SEC24A: variants seen among roughly 807,000 people sequenced by gnomAD.
The protein encoded by SEC24A is protein transport protein Sec24A.
In SEC24A, 93 loss-of-function variants were observed where a neutral mutation model predicts 129.4. That is an observed-to-expected ratio of 0.72 (90% CI 0.61 to 0.85). SEC24A has a LOEUF of 0.85. SEC24A is among the 40% of genes least tolerant of loss of function. The probability of loss-of-function intolerance (pLI) is 0.00; values close to 1 mark genes in which losing one functional copy is unlikely to be tolerated. For synonymous variants in SEC24A, 460 were observed against 467.3 expected (o/e 0.98, Z 0.20); for missense variants, 1,264 against 1,307.4 (o/e 0.97, Z 0.51).
rs565980434 is a variant in SEC24A, at chr5:134,684,636, C to T, written c.1491+2154C>T. Among the ~76,000 whole-genome samples, 6 of 151,976 alleles carry T rather than the reference C, an allele frequency of 3.9e-5. No homozygotes were observed. In the South Asian group the frequency reaches 1.0e-3, roughly 26 times the overall value. On this transcript the variant is annotated intron_variant, in intron 9 of 22. Transcript: ENST00000398844. ...ACTGAGGCAGGAGAATTGCTTGAAC[C>T]AGGGAGGCAGAGGTTGCAGTGAGCC...
chr5:134,715,017 G>A lies in SEC24A; in HGVS notation c.2728-7G>A. On this transcript the variant is annotated splice_polypyrimidine_tract_variant and splice_region_variant and intron_variant, in intron 18 of 22. Transcript: ENST00000398844. Reference sequence around the variant, plus strand: ...CTTTTGTGGGGAATGGGGGTTTTCTGTTACAGAAATCATTCCAGACTGGGA... The same window carrying A: ...CTTTTGTGGGGAATGGGGGTTTTCTATTACAGAAATCATTCCAGACTGGGA... 1 of 1,610,138 alleles carries A rather than the reference G, an allele frequency of 6.2e-7. No homozygotes were observed. The highest frequency in any genetic ancestry group is 8.5e-7 in the Non-Finnish European group (1 of 1,178,354).
intron 18 of SEC24A, among the ~76,000 whole-genome samples, chr5:134,710,265 G>A (rs940739732): frequency 2.5e-4 from 38 of 150,652 alleles, no homozygotes; most frequent in African/African-American, 8.1e-4. Context: ...AGGCTGGAGC[G>A]CAGTGGCACG....
intron 7 of SEC24A, among the ~76,000 whole-genome samples, chr5:134,679,004 G>GT (rs1751168742): frequency 2.6e-5 from 4 of 151,958 alleles, no homozygotes; most frequent in Admixed American, 1.3e-4. Flanking sequence ...AGACATAGGT[G>GT]TTAGCCACTG....
At chr5:134,675,303 T>C in intron 6 of SEC24A, 86 bp downstream of exon 6, 7 of 952,144 alleles carry the variant, frequency 7.4e-6, no homozygotes, top group Non-Finnish European at 1.1e-5. Context: ...GAATAAGCTG[T>C]ACAAATTATT....
In SEC24A at chr5:134,704,018, G is replaced by A. The variant is rs527904402; in HGVS notation, c.2440+86G>A. 22 of 783,992 alleles carry A rather than the reference G, an allele frequency of 2.8e-5. No individual in the cohort carries two copies. The African/African-American group carries it at 3.5e-4, about 12-fold the overall frequency. The allele number at this position is 783,992 out of a possible 1,614,324, so 48.6% of individuals were successfully genotyped here. ...CAAAATGGGCTATAAAATACATGTAGCATATCTTATGTGTGCTAACTTAAA... is the reference window on the plus strand; with the variant it reads ...CAAAATGGGCTATAAAATACATGTAACATATCTTATGTGTGCTAACTTAAA... On this transcript the variant is annotated intron_variant, in intron 16 of 22. Coordinates refer to ENST00000398844, the MANE Select transcript of SEC24A (RefSeq NM_021982.3).
chr5:134,725,023 G>C lies in SEC24A; in HGVS notation c.3211G>C (p.Glu1071Gln). 1.9e-6 allele frequency: 3 copies of C among 1,610,370 alleles called. No homozygotes were observed. The highest frequency in any genetic ancestry group is 2.5e-6 in the Non-Finnish European group (3 of 1,177,366). Residue 1071 changes from glutamate (E) to glutamine (Q), a missense_variant, in exon 23 of 23, where the codon GAA becomes CAA. Glu to Gln is a conservative substitution (Grantham distance 29). Transcript: ENST00000398844. Reference protein sequence around the residue: ...MKANFLQNMIEDRTESALSYY... With the variant: ...MKANFLQNMIQDRTESALSYY... ...AGCAAACTTCCTTCAAAACATGATA[G>C]AAGACAGAACAGAATCTGCATTATC...
chr5:134,711,628 T>C (rs372716355), intron 18 of SEC24A, among the ~76,000 whole-genome samples: 1 of 149,012 alleles, frequency 6.7e-6, no homozygotes, highest in East Asian at 2.0e-4. Context: ...GCAGTGGCGA[T>C]CTCGGCTCAC....
Position 134,727,519 on chromosome 5 carries a change from A to G in SEC24A, c.*2425A>G, listed in dbSNP as rs1299744009. ...ATTGAGTCTAATAGACTGTTTTGCA[A>G]TAATTAGAATAAAGATTTATTTCTT... On this transcript the variant is annotated 3_prime_UTR_variant, in exon 23 of 23. Transcript: ENST00000398844. 1 of 152,608 alleles carries G rather than the reference A, an allele frequency of 6.6e-6. No homozygotes were observed. Among genetic ancestry groups the G allele is most frequent in the Admixed American group, 6.5e-5 (1 of 15,280 alleles). The allele number at this position is 152,608 out of a possible 1,614,324, so 9.5% of individuals were successfully genotyped here. A position where few individuals can be genotyped will look rare whatever the true frequency, so the allele number is the denominator to read the frequency against.
intron 15 of SEC24A, among the ~76,000 whole-genome samples, chr5:134,700,234 T>C (rs1410870655): frequency 6.6e-6 from 1 of 152,054 alleles, no homozygotes; most frequent in African/African-American, 2.4e-5. Flanking sequence ...TTTTTTCTTT[T>C]TTTGGAGACA....
intron 18 of SEC24A, among the ~76,000 whole-genome samples, chr5:134,714,444 C>T (rs973985571): frequency 2.0e-5 from 3 of 152,258 alleles, no homozygotes; most frequent in Non-Finnish European, 2.9e-5. Flanking sequence ...GGAGCGCCAA[C>T]CATATTGTGA....
At chr5:134,659,799 G>A (rs892868043) in intron 1 of SEC24A, among the ~76,000 whole-genome samples, 3 of 151,916 alleles carry the variant, frequency 2.0e-5, no homozygotes, top group Non-Finnish European at 2.9e-5. Flanking sequence ...CTTACAGGCA[G>A]GCGCCACCAC....
Position 134,675,140 on chromosome 5 carries a change from C to T in SEC24A, c.1074C>T (p.Asn358=), listed in dbSNP as rs746797391. ...LRVVNLLQER[N]MLPSTPLKPP... is the part of the protein sequence containing the mutation. ...TTGTCAATCTTCTTCAAGAAAGAAACATGCTTCCGTCAACACCTTTGAAGC... is the reference window on the plus strand; with the variant it reads ...TTGTCAATCTTCTTCAAGAAAGAAATATGCTTCCGTCAACACCTTTGAAGC... Residue 358 remains asparagine, a synonymous_variant, in exon 6 of 23, where the codon AAC becomes AAT. Coordinates refer to ENST00000398844, the MANE Select transcript of SEC24A (RefSeq NM_021982.3). 2 of 1,613,766 alleles carry T rather than the reference C, an allele frequency of 1.2e-6. No individual in the cohort carries two copies. Among genetic ancestry groups the T allele is most frequent in the East Asian group, 4.5e-5 (2 of 44,860 alleles).
At chr5:134,693,280 G>C in intron 12 of SEC24A, 1 of 1,412,444 alleles carries the variant, frequency 7.1e-7, no homozygotes, top group Non-Finnish European at 9.2e-7. Flanking sequence ...AACCTGTAAA[G>C]GTAGTTGTTT....
intron 2 of SEC24A, among the ~76,000 whole-genome samples, chr5:134,665,023 C>T (rs546587114): frequency 5.6e-4 from 85 of 151,288 alleles, no homozygotes; most frequent in African/African-American, 2.0e-3. Context: ...TGGTCCCAAA[C>T]TCCTGACCTT....
chr5:134,674,991 C>T (rs1314739939), intron 5 of SEC24A, 54 bp from the exon 6 acceptor site: 1 of 1,391,638 alleles, frequency 7.2e-7, no homozygotes, highest in Non-Finnish European at 9.7e-7. Context: ...AGAAATTAAC[C>T]ACTTCCCTAC....
intron 18 of SEC24A, among the ~76,000 whole-genome samples, 178 bp from the exon 19 acceptor site, chr5:134,714,846 G>A (rs1373422833): frequency 3.3e-5 from 5 of 152,104 alleles, no homozygotes; most frequent in African/African-American, 1.2e-4. Flanking sequence ...TTTTAGGTGG[G>A]GCTATAGCTA....
chr5:134,703,131 T>G (rs1180602319), intron 15 of SEC24A, among the ~76,000 whole-genome samples: 1 of 152,188 alleles, frequency 6.6e-6, no homozygotes, highest in Non-Finnish European at 1.5e-5. Context: ...ACCAGTCTAC[T>G]TGAAATTTTT....
Position 134,671,895 on chromosome 5 carries a change from C to T in SEC24A, c.817+9C>T, listed in dbSNP as rs1750877434. ...AGGAGGTGGCTTATTGGGTGAGATG[C>T]TATGAAAGTTTTTTTTTTAATCTCT... On this transcript the variant is annotated intron_variant, in intron 4 of 22. Coordinates refer to ENST00000398844, the MANE Select transcript of SEC24A (RefSeq NM_021982.3). 6.4e-7 allele frequency: 1 copy of T among 1,571,222 alleles called. No individual in the cohort carries two copies. Among genetic ancestry groups the T allele is most frequent in the East Asian group, 2.2e-5 (1 of 44,486 alleles).
intron 19 of SEC24A, among the ~76,000 whole-genome samples, chr5:134,717,269 C>T (rs569290152): frequency 2.6e-5 from 4 of 151,800 alleles, no homozygotes; most frequent in African/African-American, 7.3e-5. Context: ...TTTGGGAGGC[C>T]GAGGCAGGTG....
Sources: gnomAD v4.1 joint callset for allele counts (sites outside exome capture counted in the v4.1 genomes callset) on GRCh38, gnomAD v4.1.1 for gene constraint, MANE v1.5 for transcripts, NCBI Gene and HGNC (gene_info 2026-07-23, HGNC 2026-07-21) for gene names.